Variants in ABTB3 observed in about 807,000 individuals in gnomAD.
ABTB3 encodes ankyrin repeat and BTB domain containing 3, also known as ankyrin repeat- and BTB/POZ domain-containing protein 3.
At chr12:107,325,374 A>C in the ABTB3 span, among the ~76,000 whole-genome samples, 1 of 152,222 alleles carries the variant, frequency 6.6e-6, no homozygotes, top group East Asian at 1.9e-4. Context: ...TCTTCTTAAG[A>C]GGAACAACAA....
At chr12:107,635,947 CT>C in the ABTB3 span, among the ~76,000 whole-genome samples, 1 of 145,900 alleles carries the variant, frequency 6.9e-6, no homozygotes, top group Admixed American at 7.2e-5. Context: ...AGGCTGGATG[CT>C]TATAAGTCTC....
At chr12:107,358,180 T>C in the ABTB3 span, among the ~76,000 whole-genome samples, 22 of 152,242 alleles carry the variant, frequency 1.4e-4, 1 homozygote, top group South Asian at 4.4e-3. Flanking sequence ...ATCTGTTATA[T>C]AAAATATATA....
At chr12:107,615,084 T>C in the ABTB3 span, 3 of 1,613,954 alleles carry the variant, frequency 1.9e-6, no homozygotes, top group Non-Finnish European at 2.5e-6. Flanking sequence ...CTCATAAATA[T>C]CCATCCGTCC....
At chr12:107,633,049 C>G in the ABTB3 span, among the ~76,000 whole-genome samples, 2 of 152,206 alleles carry the variant, frequency 1.3e-5, no homozygotes, top group Non-Finnish European at 2.9e-5. Flanking sequence ...TTGGGCTCGC[C>G]CAGATAATCC....
chr12:107,319,623 G>A, the ABTB3 span: 1 of 1,536,248 alleles, frequency 6.5e-7, no homozygotes, highest in Non-Finnish European at 8.7e-7. Flanking sequence ...GTGGCGCTGC[G>A]CATCCACGAG....
At chr12:107,654,796 ACAGT>A in the ABTB3 span, among the ~76,000 whole-genome samples, 14 of 147,946 alleles carry the variant, frequency 9.5e-5, no homozygotes, top group South Asian at 4.3e-4. Flanking sequence ...ATCAAAAAGT[ACAGT>A]CAGTCTACAT....
chr12:107,435,978 T>A, the ABTB3 span, among the ~76,000 whole-genome samples: 1 of 152,154 alleles, frequency 6.6e-6, no homozygotes, highest in Non-Finnish European at 1.5e-5. Flanking sequence ...TTTGAATAAT[T>A]TAAGTAGCCA....
At chr12:107,487,165 G>A in the ABTB3 span, among the ~76,000 whole-genome samples, 2 of 152,174 alleles carry the variant, frequency 1.3e-5, no homozygotes, top group Non-Finnish European at 2.9e-5. Context: ...CAGACACACA[G>A]AGAAGGGGTC....
At chr12:107,567,650 G>T in the ABTB3 span, among the ~76,000 whole-genome samples, 2 of 152,110 alleles carry the variant, frequency 1.3e-5, no homozygotes, top group Non-Finnish European at 2.9e-5. Context: ...GAACCAGGCC[G>T]CACAGCAAGA....
the ABTB3 span, among the ~76,000 whole-genome samples, chr12:107,356,659 C>T: frequency 6.6e-6 from 1 of 152,184 alleles, no homozygotes; most frequent in Non-Finnish European, 1.5e-5. Context: ...CCCTGTGTGC[C>T]ACTTGCTGTT....
At chr12:107,497,471 CCAT>C in the ABTB3 span, among the ~76,000 whole-genome samples, 3 of 151,540 alleles carry the variant, frequency 2.0e-5, no homozygotes, top group Admixed American at 6.6e-5. Flanking sequence ...ATTATTACCA[CCAT>C]CATCATCACT....
At chr12:107,352,787 G>C in the ABTB3 span, among the ~76,000 whole-genome samples, 1 of 152,164 alleles carries the variant, frequency 6.6e-6, no homozygotes, top group African/African-American at 2.4e-5. Flanking sequence ...TGTGGGCAGA[G>C]AAGAGATGGG....
the ABTB3 span, among the ~76,000 whole-genome samples, chr12:107,466,424 G>A: frequency 6.6e-6 from 1 of 152,036 alleles, no homozygotes; most frequent in South Asian, 2.1e-4. Context: ...GAGCTGGGTT[G>A]TGTAACTCCA....
the ABTB3 span, among the ~76,000 whole-genome samples, chr12:107,328,706 T>C: frequency 1.3e-5 from 2 of 152,188 alleles, no homozygotes; most frequent in Non-Finnish European, 2.9e-5. Context: ...CAGCAACTAG[T>C]TCAGGATGCC....
the ABTB3 span, among the ~76,000 whole-genome samples, chr12:107,593,603 A>G: frequency 1.3e-5 from 2 of 152,148 alleles, no homozygotes; most frequent in Non-Finnish European, 2.9e-5. Flanking sequence ...AAACTTGAAA[A>G]CCATTTGTGG....
the ABTB3 span, among the ~76,000 whole-genome samples, chr12:107,497,405 TCAC>T: frequency 2.3e-5 from 3 of 130,162 alleles, no homozygotes; most frequent in Non-Finnish European, 4.7e-5. Context: ...ATCATCATCA[TCAC>T]CACCATCACC....
chr12:107,541,038 T>C, the ABTB3 span, among the ~76,000 whole-genome samples: 11 of 152,140 alleles, frequency 7.2e-5, no homozygotes, highest in Admixed American at 7.2e-4. Flanking sequence ...AGAAGGACTT[T>C]AGGGCTGCAT....
the ABTB3 span, among the ~76,000 whole-genome samples, chr12:107,596,220 A>G: frequency 2.0e-5 from 3 of 152,352 alleles, no homozygotes; most frequent in Non-Finnish European, 4.4e-5. Flanking sequence ...TCAAGGATCC[A>G]ATTGCAAATG....
At chr12:107,408,679 G>A in the ABTB3 span, among the ~76,000 whole-genome samples, 5 of 152,226 alleles carry the variant, frequency 3.3e-5, no homozygotes, top group Admixed American at 2.6e-4. Context: ...CTTGGAACCC[G>A]GCACTGGACT....
Sources: gnomAD v4.1 joint callset for allele counts (sites outside exome capture counted in the v4.1 genomes callset) on GRCh38, gnomAD v4.1.1 for gene constraint, MANE v1.5 for transcripts, NCBI Gene and HGNC (gene_info 2026-07-23, HGNC 2026-07-21) for gene names.